Variants in SLC8A1 observed in about 807,000 individuals in gnomAD.
SLC8A1 encodes solute carrier family 8 member A1.
SLC8A1 carries 18 observed loss-of-function variants against 68.3 expected under a neutral mutation model. That is an observed-to-expected ratio of 0.26 (90% CI 0.18 to 0.39). The LOEUF (loss-of-function observed/expected upper bound fraction) is 0.39, where lower values mean the gene tolerates loss of function less well. Among genes scored for constraint, SLC8A1 ranks in the 10% least tolerant of loss-of-function variants. The probability of loss-of-function intolerance (pLI) is 1.00; values close to 1 mark genes in which losing one functional copy is unlikely to be tolerated. For missense variants in SLC8A1, 985 were observed against 1,156.7 expected (o/e 0.85, Z 2.15); for synonymous variants, 475 against 415.5 (o/e 1.14, Z -1.74).
chr2:40,402,574 ACTGTAGG>A (rs1254792250), intron 2 of SLC8A1, among the ~76,000 whole-genome samples: 2 of 152,170 alleles, frequency 1.3e-5, no homozygotes, highest in African/African-American at 4.8e-5. Context: ...CAGTAACACA[ACTGTAGG>A]CTTTTATTGA....
chr2:40,455,576 C>T (rs1382996750), upstream of SLC8A1, among the ~76,000 whole-genome samples: 1 of 152,086 alleles, frequency 6.6e-6, no homozygotes, highest in African/African-American at 2.4e-5. Flanking sequence ...CCTAGCCTGG[C>T]CAGTGAGTGG....
At chr2:40,313,600 C>T (rs1425059487) in intron 2 of SLC8A1, among the ~76,000 whole-genome samples, 2 of 151,892 alleles carry the variant, frequency 1.3e-5, no homozygotes, top group African/African-American at 4.8e-5. Flanking sequence ...ACAGGTTCTT[C>T]CTATATTGCC....
chr2:40,215,466 T>G (rs2057317507), intron 2 of SLC8A1, among the ~76,000 whole-genome samples: 1 of 151,470 alleles, frequency 6.6e-6, no homozygotes, highest in Non-Finnish European at 1.5e-5. Flanking sequence ...TGAAACCCCG[T>G]CTCTACTAAA....
At chr2:40,270,118 G>T (rs114715510) in intron 2 of SLC8A1, among the ~76,000 whole-genome samples, 1 of 152,276 alleles carries the variant, frequency 6.6e-6, no homozygotes, top group African/African-American at 2.4e-5. Context: ...GCATAAGGAA[G>T]GGCATAAAGC....
intron 2 of SLC8A1, among the ~76,000 whole-genome samples, chr2:40,346,070 A>AAAAAG (rs1669199742): frequency 1.1e-4 from 17 of 149,718 alleles, no homozygotes; most frequent in Non-Finnish European, 2.4e-4. Flanking sequence ...AAAAAAAAAA[A>AAAAAG]AAAGAAAGAA....
intron 2 of SLC8A1, among the ~76,000 whole-genome samples, chr2:40,299,351 G>A (rs529924318): frequency 6.6e-6 from 1 of 152,230 alleles, no homozygotes; most frequent in East Asian, 1.9e-4. Flanking sequence ...ATTAAAGATA[G>A]GTTTAGTCAC....
intron 6 of SLC8A1, among the ~76,000 whole-genome samples, chr2:40,153,063 A>T (rs1464335452): frequency 3.3e-5 from 5 of 152,210 alleles, no homozygotes; most frequent in Non-Finnish European, 5.9e-5. Flanking sequence ...AAATGTCCTA[A>T]ATGTAATGAA....
At chr2:40,389,311 C>T (rs6745881) in intron 2 of SLC8A1, among the ~76,000 whole-genome samples, 109,320 of 151,908 alleles carry the variant, frequency 0.72, 40,867 homozygotes, top group African/African-American at 0.93. Context: ...AAGTGTCCTA[C>T]ATATTTAGTA....
chr2:40,114,205 C>T (rs1478142863), exon 8 of SLC8A1: 1 of 152,748 alleles, frequency 6.5e-6, no homozygotes, highest in Non-Finnish European at 1.5e-5. Flanking sequence ...TTCCGAACGG[C>T]ACATGAAGAA....
chr2:40,502,623 T>C (rs1352505043), intron 1 of SLC8A1, among the ~76,000 whole-genome samples: 5 of 152,072 alleles, frequency 3.3e-5, no homozygotes, highest in Non-Finnish European at 7.4e-5. Flanking sequence ...GTTGTGAAGA[T>C]TTATTAGAGC....
intron 2 of SLC8A1, among the ~76,000 whole-genome samples, chr2:40,255,597 T>C (rs914310588): frequency 3.3e-5 from 5 of 152,152 alleles, no homozygotes; most frequent in Admixed American, 3.3e-4. Context: ...CTCTCTGGAG[T>C]TTATTTTTCT....
At chr2:40,340,729 G>C (rs1459299367) in intron 2 of SLC8A1, among the ~76,000 whole-genome samples, 1 of 152,132 alleles carries the variant, frequency 6.6e-6, no homozygotes, top group Admixed American at 6.6e-5. Flanking sequence ...AGACTGGCCT[G>C]GGCGAATCTG....
chr2:40,432,133 C>A (rs6719806), intron 1 of SLC8A1, among the ~76,000 whole-genome samples: 90,069 of 151,736 alleles, frequency 0.59, 29,478 homozygotes, highest in East Asian at 0.93. Flanking sequence ...AACCATCCTG[C>A]AAGAATGTTG....
intron 2 of SLC8A1, among the ~76,000 whole-genome samples, chr2:40,389,828 T>A (rs1229709919): frequency 1.3e-5 from 2 of 148,962 alleles, no homozygotes; most frequent in Non-Finnish European, 3.0e-5. Context: ...ATATATGATA[T>A]ATATGATATA....
rs1574242057 is a variant in SLC8A1, at chr2:40,219,559, T to G, written c.1809-41704A>C. ...GAAGTTGAAATATACCCATGTAGTTTCCTTCAGCGATACTATCTGGTATAT... is the reference window on the plus strand; with the variant it reads ...GAAGTTGAAATATACCCATGTAGTTGCCTTCAGCGATACTATCTGGTATAT... On this transcript the variant is annotated intron_variant, in intron 2 of 7. Transcript: ENST00000406785. Among the ~76,000 whole-genome samples the G allele has an allele frequency of 2.6e-5, 4 of 152,362 alleles. No individual in the cohort carries two copies. The South Asian group carries it at 8.3e-4, about 32-fold the overall frequency.
At chr2:40,110,761 G>A (rs1436211180) in exon 8 of SLC8A1, 1 of 152,152 alleles carries the variant, frequency 6.6e-6, no homozygotes, top group Non-Finnish European at 1.5e-5. Context: ...TCAACAGAGA[G>A]ACTCCATATC....
In SLC8A1 at chr2:40,493,382, A is replaced by G. The variant is rs751787549; in HGVS notation, c.-25+18967T>C. ...GAGGGGGGAGGGATAGCTTTAGGAG[A>G]TATACCTAGTGCTAAATGACGAGTT... On this transcript the variant is annotated intron_variant, in intron 1 of 7. Transcript: ENST00000402441. 4.8e-4 allele frequency among the ~76,000 whole-genome samples: 73 copies of G among 151,066 alleles called. 1 individual carries two copies. The highest frequency in any genetic ancestry group is 9.0e-4 in the Non-Finnish European group (61 of 67,836).
At chr2:40,129,158 C>A (rs1160040206) in intron 7 of SLC8A1, among the ~76,000 whole-genome samples, 1 of 151,832 alleles carries the variant, frequency 6.6e-6, no homozygotes, top group African/African-American at 2.4e-5. Context: ...CACCATAAAG[C>A]TGTTAAAAGA....
At chr2:40,340,043 T>C (rs75535388) in intron 2 of SLC8A1, among the ~76,000 whole-genome samples, 8,155 of 152,232 alleles carry the variant, frequency 0.054, 288 homozygotes, top group African/African-American at 0.096. Context: ...AGAATACAAA[T>C]GTTCATATGC....
Sources: allele counts gnomAD v4.1 joint callset (sites outside exome capture counted in the v4.1 genomes callset), GRCh38; gene constraint gnomAD v4.1.1; transcripts MANE v1.5; gene names NCBI Gene and HGNC (gene_info 2026-07-23, HGNC 2026-07-21).